Variants in COMMD10 observed in about 807,000 individuals in gnomAD.
COMMD10 encodes the protein COMM domain-containing protein 10.
A neutral mutation model predicts 28.9 loss-of-function variants in COMMD10; 33 were observed. The ratio of observed to expected loss-of-function variants is 1.14; its 90% confidence interval spans 0.87 to 1.53. The LOEUF (loss-of-function observed/expected upper bound fraction) is 1.53. COMMD10 is among the 40% of genes most tolerant of loss of function. COMMD10 has a pLI of 0.00. For synonymous variants in COMMD10, 110 were observed against 81.7 expected (o/e 1.35, Z -1.87); for missense variants, 310 against 233.4 (o/e 1.33, Z -2.14).
chr5:116,215,556 G>A (rs1054370988), intron 5 of COMMD10, among the ~76,000 whole-genome samples: 8 of 151,424 alleles, frequency 5.3e-5, no homozygotes, highest in African/African-American at 9.7e-5. Context: ...GCGTGGTGGC[G>A]TGTGCCTGTA....
chr5:116,088,550 G>T (rs1047579401), intron 2 of COMMD10, among the ~76,000 whole-genome samples: 1 of 152,234 alleles, frequency 6.6e-6, no homozygotes, highest in South Asian at 2.1e-4. Flanking sequence ...TTAACATTGC[G>T]TACAAGTCCC....
At chr5:116,124,647 C>G (rs959510003) in intron 4 of COMMD10, among the ~76,000 whole-genome samples, 1 of 152,110 alleles carries the variant, frequency 6.6e-6, no homozygotes, top group African/African-American at 2.4e-5. Context: ...TCTCATTGAT[C>G]TGTCTAATTT....
intron 5 of COMMD10, among the ~76,000 whole-genome samples, chr5:116,139,892 G>T (rs530634243): frequency 5.9e-5 from 9 of 151,574 alleles, no homozygotes; most frequent in African/African-American, 2.2e-4. Flanking sequence ...TGTGTTTGTG[G>T]TTAAAGCACG....
In COMMD10 at chr5:116,248,736, TA is replaced by T. The variant is rs1394947400; in HGVS notation, c.511-42776del. 2.0e-5 allele frequency among the ~76,000 whole-genome samples: 3 copies of T among 151,978 alleles called. No homozygotes were observed. The East Asian group carries it at 5.8e-4, about 29-fold the overall frequency. ...TCTTGTTTTCCTTTTCTACCAACTT[TA>T]AAAACAACACTAAAATAAAAACAAA... On this transcript the variant is annotated intron_variant, in intron 5 of 6. Transcript: ENST00000274458.
chr5:116,215,087 G>T (rs1006640868), intron 5 of COMMD10, among the ~76,000 whole-genome samples: 5 of 151,970 alleles, frequency 3.3e-5, no homozygotes, highest in African/African-American at 9.6e-5. Flanking sequence ...ACCCATATTG[G>T]TTTAGTTTCT....
At chr5:116,288,872 C>CTTTTTTTTTTTTTTTTCTT (rs1751287886) in intron 5 of COMMD10, among the ~76,000 whole-genome samples, 1 of 104,358 alleles carries the variant, frequency 9.6e-6, no homozygotes, top group Non-Finnish European at 1.9e-5. Context: ...TGTTCTCTCT[C>CTTTTTTTTTTTTTTTTCTT]TTTTTTTTTT....
intron 5 of COMMD10, among the ~76,000 whole-genome samples, chr5:116,158,013 C>T (rs1027867490): frequency 7.3e-5 from 11 of 150,614 alleles, no homozygotes; most frequent in Non-Finnish European, 1.0e-4. Context: ...CCTCCAAAGT[C>T]TGTGTTACCT....
chr5:116,131,700 C>G (rs571749301), intron 4 of COMMD10, among the ~76,000 whole-genome samples: 17 of 152,070 alleles, frequency 1.1e-4, no homozygotes, highest in African/African-American at 3.4e-4. Flanking sequence ...GGAGATTGCA[C>G]TCTACTCTGA....
intron 4 of COMMD10, among the ~76,000 whole-genome samples, chr5:116,127,179 T>G (rs62383957): frequency 0.075 from 11,397 of 152,264 alleles, 500 homozygotes; most frequent in Admixed American, 0.13. Context: ...GAAAAAATGT[T>G]CATCATCACT....
chr5:116,157,460 G>GTC (rs1023078171), intron 5 of COMMD10, among the ~76,000 whole-genome samples: 9 of 152,148 alleles, frequency 5.9e-5, no homozygotes, highest in African/African-American at 1.7e-4. Flanking sequence ...TCAGTGGGAT[G>GTC]AGTGGACTTT....
chr5:116,139,853 C>T (rs1752139871), intron 5 of COMMD10, among the ~76,000 whole-genome samples: 1 of 151,520 alleles, frequency 6.6e-6, no homozygotes, highest in African/African-American at 2.4e-5. Context: ...AAAATTAACC[C>T]ACCCATCACC....
chr5:116,107,717 C>G (rs891649124), intron 4 of COMMD10, among the ~76,000 whole-genome samples: 1 of 151,790 alleles, frequency 6.6e-6, no homozygotes, highest in African/African-American at 2.4e-5. Flanking sequence ...CAGTTTTGTT[C>G]CCTTGCTGGC....
chr5:116,133,627 C>T (rs1482811279), intron 4 of COMMD10, among the ~76,000 whole-genome samples: 1 of 152,078 alleles, frequency 6.6e-6, no homozygotes, highest in Non-Finnish European at 1.5e-5. Context: ...ATAGTACCTA[C>T]GCAAAGATTT....
intron 5 of COMMD10, among the ~76,000 whole-genome samples, chr5:116,268,720 G>A (rs1206616691): frequency 2.0e-5 from 3 of 151,856 alleles, no homozygotes; most frequent in African/African-American, 7.3e-5. Flanking sequence ...GTGATAGACT[G>A]GATTAAGAAA....
intron 5 of COMMD10, among the ~76,000 whole-genome samples, chr5:116,212,422 G>T (rs1399293493): frequency 6.6e-6 from 1 of 151,716 alleles, no homozygotes; most frequent in Non-Finnish European, 1.5e-5. Context: ...GAGGATTGGG[G>T]CTTTTTGCAG....
At chr5:116,214,824 A>C (rs1429484200) in intron 5 of COMMD10, among the ~76,000 whole-genome samples, 1 of 152,096 alleles carries the variant, frequency 6.6e-6, no homozygotes, top group African/African-American at 2.4e-5. Context: ...TTTATAATCA[A>C]AGCAGTGTGT....
chr5:116,098,725 T>G (rs752723973), intron 4 of COMMD10, among the ~76,000 whole-genome samples: 1 of 152,188 alleles, frequency 6.6e-6, no homozygotes, highest in Non-Finnish European at 1.5e-5. Flanking sequence ...AAGACTGTGA[T>G]TCTGAATTCA....
intron 5 of COMMD10, among the ~76,000 whole-genome samples, chr5:116,237,213 A>C (rs1279194843): frequency 6.6e-6 from 1 of 152,086 alleles, no homozygotes; most frequent in Non-Finnish European, 1.5e-5. Flanking sequence ...AAGTGAATTG[A>C]GTGAGGGAGA....
At chr5:116,116,739 TCTCG>T (rs1341140578) in intron 4 of COMMD10, among the ~76,000 whole-genome samples, 8 of 144,524 alleles carry the variant, frequency 5.5e-5, no homozygotes, top group African/African-American at 2.1e-4. Context: ...TGAGACGGAG[TCTCG>T]CTCTGTCGCC....
Sources: gnomAD v4.1 joint callset for allele counts (sites outside exome capture counted in the v4.1 genomes callset) on GRCh38, gnomAD v4.1.1 for gene constraint, MANE v1.5 for transcripts, NCBI Gene and HGNC (gene_info 2026-07-23, HGNC 2026-07-21) for gene names.